The following ARID1B variants were observed in gnomAD, a reference collection of about 807,000 sequenced individuals.
The protein encoded by ARID1B is AT-rich interactive domain-containing protein 1B.
ARID1B carries 30 observed loss-of-function variants against 212.3 expected under a neutral mutation model. The observed-to-expected ratio is 0.14, with a 90% CI of 0.11 to 0.19. The LOEUF (loss-of-function observed/expected upper bound fraction) is 0.19, where lower values mean the gene tolerates loss of function less well. Among genes scored for constraint, ARID1B ranks in the 10% least tolerant of loss-of-function variants. ARID1B has a pLI of 1.00. For missense variants in ARID1B, 2,891 were observed against 3,204.0 expected, an observed-to-expected ratio of 0.90 and a Z score of 2.36; for synonymous variants, 1,402 against 1,301.7, an observed-to-expected ratio of 1.08 and a Z score of -1.66.
At chr6:157,022,211 T>A (rs1290446727) in intron 4 of ARID1B, 1 of 152,324 alleles carries the variant, frequency 6.6e-6, no homozygotes, top group Non-Finnish European at 1.5e-5. Flanking sequence ...GGGGCGAGGC[T>A]GGCAGGCCGC....
intron 1 of ARID1B, among the ~76,000 whole-genome samples, chr6:156,785,909 G>A (rs751332561): frequency 2.6e-5 from 4 of 152,162 alleles, no homozygotes; most frequent in Non-Finnish European, 5.9e-5. Flanking sequence ...TCCTCATAGA[G>A]TTTGAGGATC....
intron 4 of ARID1B, among the ~76,000 whole-genome samples, chr6:157,010,889 A>G (rs1405971361): frequency 6.6e-6 from 1 of 152,204 alleles, no homozygotes; most frequent in African/African-American, 2.4e-5. Flanking sequence ...GTGATCACTA[A>G]TAGAACTATC....
At chr6:156,826,551 T>C (rs1027453701) in intron 1 of ARID1B, among the ~76,000 whole-genome samples, 7 of 152,072 alleles carry the variant, frequency 4.6e-5, no homozygotes, top group Non-Finnish European at 1.0e-4. Flanking sequence ...CACCAGAGTA[T>C]TGAGGAAGGC....
chr6:157,140,851 G>C (rs1007250), intron 7 of ARID1B: 1 of 392,728 alleles, frequency 2.5e-6, no homozygotes, highest in Non-Finnish European at 4.5e-6. Context: ...CTTCCCCTCA[G>C]CACTCTGCAG....
intron 4 of ARID1B, among the ~76,000 whole-genome samples, chr6:157,073,171 C>G (rs1013887261): frequency 6.8e-6 from 1 of 148,124 alleles, no homozygotes; most frequent in Non-Finnish European, 1.5e-5. Flanking sequence ...GGTACAATCT[C>G]GGCTCACTGC....
chr6:156,795,056 T>A (rs1324959843), intron 1 of ARID1B, among the ~76,000 whole-genome samples: 4 of 152,176 alleles, frequency 2.6e-5, no homozygotes, highest in African/African-American at 9.7e-5. Flanking sequence ...TACCATTATC[T>A]GGGTCGTTGC....
chr6:156,936,420 A>G (rs962638932), intron 4 of ARID1B: 2 of 151,530 alleles, frequency 1.3e-5, no homozygotes, highest in Non-Finnish European at 2.9e-5. Flanking sequence ...GTTTCTATTT[A>G]TAAGAGTAGT....
chr6:157,144,007 A>C, intron 7 of ARID1B, among the ~76,000 whole-genome samples: 1 of 152,236 alleles, frequency 6.6e-6, no homozygotes, highest in Non-Finnish European at 1.5e-5. Flanking sequence ...GCTCGAACGC[A>C]TGCTCCCCCA....
chr6:157,133,108 C>A lies in ARID1B; in HGVS notation c.2662C>A (p.Pro888Thr). ...QQTGPSMSPHPSPGGQMHAGI... is the reference protein window; with the variant it reads ...QQTGPSMSPHTSPGGQMHAGI... The stretch of plus-strand genomic sequence containing the variant: ...GACAGGACCATCCATGTCGCCTCAT[C>A]CTTCTCCTGGGGGCCAGATGCATGC... Residue 888 changes from proline (P) to threonine (T), a missense_variant, in exon 7 of 20, where the codon CCT (proline) becomes ACT (threonine). By Grantham distance (38) the Pro-to-Thr change is conservative (BLOSUM62 -1). Around this residue, in one of 7 missense-constraint regions of ARID1B, gnomAD observed 1,643 missense variants for 1,544.0 expected, o/e 1.06. Coordinates refer to ENST00000636930, the MANE Select transcript of ARID1B (RefSeq NM_001374828.1). The A allele has an allele frequency of 6.2e-7, 1 of 1,614,188 alleles. No homozygotes were observed. Among genetic ancestry groups the A allele is most frequent in the South Asian group, 1.1e-5 (1 of 91,082 alleles).
rs375004013 is a variant in ARID1B at position 156,854,118 on chromosome 6, G to A, written c.1986+24697G>A. Among the ~76,000 whole-genome samples, 25 of 152,208 alleles carry A rather than the reference G, an allele frequency of 1.6e-4. No individual in the cohort carries two copies. The South Asian group carries it at 2.1e-3, about 13-fold the overall frequency. On this transcript the variant is annotated intron_variant, in intron 2 of 19. Transcript: ENST00000636930. The stretch of plus-strand genomic sequence containing the variant: ...CTCACTAAAAAACAAACTTTTTTTG[G>A]TGAGAACGTTATGAATGTTTTCATA...
At chr6:157,044,784 A>G (rs1436890979) in intron 4 of ARID1B, among the ~76,000 whole-genome samples, 2 of 152,198 alleles carry the variant, frequency 1.3e-5, no homozygotes, top group African/African-American at 2.4e-5. Context: ...ATCAAATTCA[A>G]ATATCATTTC....
At chr6:156,890,230 G>A (rs1787819259) in intron 2 of ARID1B, among the ~76,000 whole-genome samples, 1 of 152,146 alleles carries the variant, frequency 6.6e-6, no homozygotes, top group South Asian at 2.1e-4. Flanking sequence ...GCTGTGATTT[G>A]CTAAATATAG....
chr6:157,192,970 A>G (rs1583486139), intron 15 of ARID1B, among the ~76,000 whole-genome samples: 1 of 152,194 alleles, frequency 6.6e-6, no homozygotes, highest in Non-Finnish European at 1.5e-5. Context: ...GTTAACCTGT[A>G]GTACAAGTAG....
intron 3 of ARID1B, 197 bp downstream of exon 3, chr6:156,901,722 AGAAT>A (rs1278152166): frequency 4.2e-6 from 3 of 710,302 alleles, no homozygotes; most frequent in East Asian, 5.6e-5. Context: ...GAGGGTGAGA[AGAAT>A]GACTGGTTTA....
chr6:156,838,466 G>C (rs1285384033), intron 2 of ARID1B, among the ~76,000 whole-genome samples: 1 of 152,150 alleles, frequency 6.6e-6, no homozygotes, highest in Non-Finnish European at 1.5e-5. Context: ...AAAGACAGCT[G>C]TGCAGGGATG....
At position 157,018,212 on chromosome 6, in the gene ARID1B, C is replaced by CTTTTTTTTTTTTTT. The variant is rs1208883079; in HGVS notation, c.2248-66441_2248-66428dup. Among the ~76,000 whole-genome samples the CTTTTTTTTTTTTTT allele has an allele frequency of 1.6e-3, 119 of 72,458 alleles. 23 individuals are homozygous for CTTTTTTTTTTTTTT. The highest frequency in any genetic ancestry group is 7.2e-3 in the African/African-American group (112 of 15,450). 47.5% of individuals were successfully genotyped at this position (72,458 alleles called of 152,430 possible). A position where few individuals can be genotyped will look rare whatever the true frequency, so the allele number is the denominator to read the frequency against. On this transcript the variant is annotated intron_variant, in intron 4 of 19. Coordinates refer to ENST00000636930, the MANE Select transcript of ARID1B (RefSeq NM_001374828.1). Reference sequence around the variant, plus strand: ...GAATGTCTAAACAAAAAGTAGTATGCTTTTTTTTTTTTTTTTTTTTTTGAG... The same window carrying CTTTTTTTTTTTTTT: ...GAATGTCTAAACAAAAAGTAGTATGCTTTTTTTTTTTTTTTTTTTTTTTTTTTTTTTTTTTTGAG...
chr6:156,957,873 T>G (rs1032795308), intron 4 of ARID1B, among the ~76,000 whole-genome samples: 1 of 152,196 alleles, frequency 6.6e-6, no homozygotes, highest in Non-Finnish European at 1.5e-5. Context: ...TCCATCTTGC[T>G]GCCCCTTCCA....
At chr6:156,892,220 G>A (rs559294735) in intron 2 of ARID1B, among the ~76,000 whole-genome samples, 12 of 152,044 alleles carry the variant, frequency 7.9e-5, no homozygotes, top group African/African-American at 2.7e-4. Context: ...AATTCCTAAA[G>A]TAGAATTTTG....
In ARID1B at chr6:156,901,449, A is replaced by G; in HGVS notation, c.2060A>G (p.Gln687Arg). The change falls in exon 3 of 20, where the codon CAG becomes CGG. Residue 687 changes from glutamine (Q) to arginine (R), a missense_variant. Transcript: ENST00000636930. ...QQGQQPYYSQQPQPPHLPPQA... is the reference protein window; with the variant it reads ...QQGQQPYYSQRPQPPHLPPQA... ...GGCCAACAGCCATATTACAGCCAGCAGCCGCAGCCCCCGCACCTCCCACCC... is the reference window on the plus strand; with the variant it reads ...GGCCAACAGCCATATTACAGCCAGCGGCCGCAGCCCCCGCACCTCCCACCC... 1 of 1,614,182 alleles carries G rather than the reference A, an allele frequency of 6.2e-7. No homozygotes were observed. The highest frequency in any genetic ancestry group is 2.2e-5 in the East Asian group (1 of 44,876).
Sources: allele counts gnomAD v4.1 joint callset (sites outside exome capture counted in the v4.1 genomes callset), GRCh38; gene constraint gnomAD v4.1.1; regional missense constraint gnomAD v4.1.1; transcripts MANE v1.5; gene names NCBI Gene and HGNC (gene_info 2026-07-23, HGNC 2026-07-21).